The following FHIT variants were observed in gnomAD, a reference collection of about 807,000 sequenced individuals.
FHIT encodes the protein bis(5'-adenosyl)-triphosphatase.
A neutral mutation model predicts 17.9 loss-of-function variants in FHIT; 19 were observed. The observed-to-expected ratio is 1.06, with a 90% confidence interval of 0.74 to 1.56. The LOEUF is 1.56. FHIT is among the 40% of genes most tolerant of loss of function. The pLI, the probability that FHIT is intolerant of heterozygous loss-of-function variation, is 0.00. For synonymous variants in FHIT, 81 were observed against 69.7 expected (o/e 1.16, Z -0.81); for missense variants, 248 against 189.2 (o/e 1.31, Z -1.82).
intron 4 of FHIT, among the ~76,000 whole-genome samples, chr3:60,737,017 A>C (rs2042146830): frequency 6.6e-6 from 1 of 152,234 alleles, no homozygotes; most frequent in Non-Finnish European, 1.5e-5. Flanking sequence ...AGATTTTCCC[A>C]GATCACTTAG....
At chr3:61,245,705 T>C (rs1212931842) in intron 1 of FHIT, among the ~76,000 whole-genome samples, 1 of 152,176 alleles carries the variant, frequency 6.6e-6, no homozygotes, top group Non-Finnish European at 1.5e-5. Flanking sequence ...ACTTGACAAA[T>C]AAAAATTGTA....
chr3:60,546,499 T>A (rs2036369719), intron 4 of FHIT, among the ~76,000 whole-genome samples: 2 of 152,224 alleles, frequency 1.3e-5, no homozygotes, highest in South Asian at 4.1e-4. Context: ...TAATTTCAAA[T>A]AATGCTTTAT....
chr3:60,933,070 T>C (rs1708042647), intron 3 of FHIT, among the ~76,000 whole-genome samples: 1 of 152,226 alleles, frequency 6.6e-6, no homozygotes, highest in Admixed American at 6.5e-5. Flanking sequence ...TGAAGGGACA[T>C]TCATAAAATG....
At chr3:59,929,750 C>A (rs1367273270) in intron 7 of FHIT, among the ~76,000 whole-genome samples, 1 of 152,024 alleles carries the variant, frequency 6.6e-6, no homozygotes, top group Non-Finnish European at 1.5e-5. Context: ...CATAGAAAAT[C>A]TGGAAGAGAC....
At chr3:61,202,510 A>C (rs563643546) in intron 1 of FHIT, among the ~76,000 whole-genome samples, 15,473 of 90,478 alleles carry the variant, frequency 0.17, 887 homozygotes, top group Non-Finnish European at 0.2. Flanking sequence ...CTTTTTCGTT[A>C]AAAAAAAAAA....
intron 7 of FHIT, among the ~76,000 whole-genome samples, chr3:59,953,296 G>GTC (rs1159803631): frequency 2.0e-5 from 3 of 151,944 alleles, no homozygotes; most frequent in African/African-American, 7.2e-5. Flanking sequence ...CTGTGTGAGT[G>GTC]TCTCTCTCTC....
chr3:60,768,511 T>C (rs1699926680), intron 4 of FHIT, among the ~76,000 whole-genome samples: 1 of 152,198 alleles, frequency 6.6e-6, no homozygotes, highest in South Asian at 2.1e-4. Context: ...GGCTGACCAA[T>C]AAGGACTTCA....
At chr3:60,089,600 A>G (rs1379127561) in intron 5 of FHIT, among the ~76,000 whole-genome samples, 2 of 152,212 alleles carry the variant, frequency 1.3e-5, no homozygotes, top group Non-Finnish European at 2.9e-5. Context: ...ATTCCATTAT[A>G]GGCTGGATGA....
At chr3:60,574,363 C>T (rs62249081) in intron 4 of FHIT, among the ~76,000 whole-genome samples, 2 of 150,282 alleles carry the variant, frequency 1.3e-5, no homozygotes, top group South Asian at 4.2e-4. Flanking sequence ...TTCTCCAACT[C>T]CTTTTTTTTT....
intron 5 of FHIT, among the ~76,000 whole-genome samples, chr3:60,040,585 G>T (rs1262411102): frequency 6.6e-6 from 1 of 152,106 alleles, no homozygotes; most frequent in East Asian, 1.9e-4. Context: ...CTTCTCCCAA[G>T]CCTGGTTCTG....
At chr3:60,920,567 G>C (rs142325740) in intron 3 of FHIT, among the ~76,000 whole-genome samples, 37 of 152,046 alleles carry the variant, frequency 2.4e-4, no homozygotes, top group African/African-American at 8.4e-4. Flanking sequence ...AACATAAAAG[G>C]AGTTAACTAA....
chr3:60,491,452 ATAAC>A (rs1307229325), intron 5 of FHIT, among the ~76,000 whole-genome samples: 2 of 152,198 alleles, frequency 1.3e-5, no homozygotes, highest in African/African-American at 4.8e-5. Flanking sequence ...CAAAAACATA[ATAAC>A]TACCTAGAAA....
chr3:59,949,960 T>A (rs2107302799), intron 7 of FHIT, among the ~76,000 whole-genome samples: 1 of 152,306 alleles, frequency 6.6e-6, no homozygotes, highest in Non-Finnish European at 1.5e-5. Flanking sequence ...CAGTCTTTCT[T>A]CCAAAGGAAT....
chr3:60,538,354 G>T (rs997224869), intron 4 of FHIT, among the ~76,000 whole-genome samples: 4 of 152,254 alleles, frequency 2.6e-5, no homozygotes, highest in South Asian at 4.1e-4. Context: ...TGAGAAAATG[G>T]CCATACTGTC....
chr3:59,995,326 C>T (rs1356028391), intron 7 of FHIT, among the ~76,000 whole-genome samples: 3 of 152,062 alleles, frequency 2.0e-5, no homozygotes, highest in African/African-American at 4.8e-5. Flanking sequence ...TAACTCTAAA[C>T]TTAACCCTTG....
chr3:60,748,471 T>C (rs150496653), intron 4 of FHIT, among the ~76,000 whole-genome samples: 81 of 152,266 alleles, frequency 5.3e-4, no homozygotes, highest in African/African-American at 1.9e-3. Context: ...TCACATTCCT[T>C]ATATAAAATA....
At chr3:60,054,539 T>C (rs79086163) in intron 5 of FHIT, among the ~76,000 whole-genome samples, 2,447 of 152,292 alleles carry the variant, frequency 0.016, 68 homozygotes, top group African/African-American at 0.056. Context: ...TCCAGAACTC[T>C]ATCATAATGA....
chr3:60,716,120 T>C (rs1464402412), intron 4 of FHIT, among the ~76,000 whole-genome samples: 1 of 152,156 alleles, frequency 6.6e-6, no homozygotes, highest in Non-Finnish European at 1.5e-5. Context: ...GGTGCATGCC[T>C]GTAATCCCAG....
chr3:60,880,384 C>T (rs532789110), intron 3 of FHIT, among the ~76,000 whole-genome samples: 6 of 152,322 alleles, frequency 3.9e-5, no homozygotes, highest in Admixed American at 1.3e-4. Flanking sequence ...GGGACTCCTG[C>T]ATCTGGAAGC....
Sources: gnomAD v4.1 joint callset for allele counts (sites outside exome capture counted in the v4.1 genomes callset) on GRCh38, gnomAD v4.1.1 for gene constraint, MANE v1.5 for transcripts, NCBI Gene and HGNC (gene_info 2026-07-23, HGNC 2026-07-21) for gene names.